Variants in DNAH8 observed in about 807,000 individuals in gnomAD.
DNAH8 encodes dynein axonemal heavy chain 8.
A neutral mutation model predicts 562.1 loss-of-function variants in DNAH8; 382 were observed. That is an observed-to-expected ratio of 0.68 (90% CI 0.63 to 0.74). The LOEUF is 0.74. Ranked by LOEUF, DNAH8 falls within the 30% of genes least tolerant of loss-of-function variation. DNAH8 has a pLI of 0.00. For missense variants in DNAH8, 5,203 were observed against 5,620.4 expected, an observed-to-expected ratio of 0.93 and a Z score of 2.37; for synonymous variants, 1,881 against 1,919.4, an observed-to-expected ratio of 0.98 and a Z score of 0.52.
intron 23 of DNAH8, among the ~76,000 whole-genome samples, chr6:38,806,467 C>T (rs1259136812): frequency 6.6e-6 from 1 of 152,138 alleles, no homozygotes; most frequent in East Asian, 1.9e-4. Flanking sequence ...CTGGAGCACT[C>T]CCCTCTCAGA....
At position 38,842,810 on chromosome 6, in the gene DNAH8, G is replaced by C. The variant is rs912357949; in HGVS notation, c.4752G>C (p.Glu1584Asp). 6.2e-7 allele frequency: 1 copy of C among 1,613,906 alleles called. No homozygotes were observed. The highest frequency in any genetic ancestry group is 1.7e-5 in the Admixed American group (1 of 60,008). ...MKQRHWDRIS[E>D]LTGTPFDVES... ...AGAGACACTGGGATAGAATCTCCGA[G>C]TTAACTGGAACCCCATTTGATGTGG... Residue 1584 changes from glutamate to aspartate, a missense_variant, in exon 35 of 93, where the codon GAG becomes GAC. Coordinates refer to ENST00000327475, the MANE Select transcript of DNAH8 (RefSeq NM_001206927.2).
intron 75 of DNAH8, among the ~76,000 whole-genome samples, chr6:38,929,879 T>C (rs1782428266): frequency 6.6e-6 from 1 of 152,134 alleles, no homozygotes; most frequent in African/African-American, 2.4e-5. Flanking sequence ...TTCCTTTTAT[T>C]TTTTATAGCG....
intron 17 of DNAH8, among the ~76,000 whole-genome samples, chr6:38,784,793 A>T (rs1477238781): frequency 6.6e-6 from 1 of 152,218 alleles, no homozygotes; most frequent in Non-Finnish European, 1.5e-5. Context: ...CTTGCCCAAG[A>T]TCACACAGCT....
chr6:38,965,392 G>A (rs1762903139), intron 82 of DNAH8, among the ~76,000 whole-genome samples: 1 of 152,058 alleles, frequency 6.6e-6, no homozygotes, highest in South Asian at 2.1e-4. Flanking sequence ...AAGGGATTGT[G>A]GATTATGCAT....
intron 60 of DNAH8, 123 bp from the exon 61 acceptor site, chr6:38,898,135 A>G: frequency 1.1e-6 from 1 of 888,742 alleles, no homozygotes; most frequent in Non-Finnish European, 1.7e-6. Context: ...ACCTCTGGAA[A>G]TCCATAACGT....
chr6:38,866,255 T>C (rs1777023270), intron 45 of DNAH8, among the ~76,000 whole-genome samples: 1 of 152,204 alleles, frequency 6.6e-6, no homozygotes, highest in South Asian at 2.1e-4. Flanking sequence ...ACCATAATTA[T>C]CAGGTATCTA....
chr6:39,020,779 T>C (rs1766866326), intron 91 of DNAH8, among the ~76,000 whole-genome samples: 1 of 152,184 alleles, frequency 6.6e-6, no homozygotes, highest in Non-Finnish European at 1.5e-5. Context: ...TTTGGTTTTC[T>C]ATTCCTGTGT....
In DNAH8 at chr6:38,921,498, G is replaced by C. The variant is rs765638035; in HGVS notation, c.10654G>C (p.Glu3552Gln). ...VQAKFDAAMN[E>Q]KMDLLNDADT... ...GGCAAAATTTGATGCAGCAATGAAT[G>C]AGAAAATGGTGAGATTAAACATAAA... The change falls in exon 71 of 93, where the codon GAG becomes CAG. Residue 3552 changes from glutamate to glutamine, a missense_variant. By Grantham distance (29) the Glu-to-Gln change is conservative (BLOSUM62 2). Around this residue, in one of 6 missense-constraint regions of DNAH8, gnomAD observed 1,399 missense variants for 1,518.4 expected, o/e 0.92. Transcript: ENST00000327475. 1 of 1,612,578 alleles carries C rather than the reference G, an allele frequency of 6.2e-7. No individual in the cohort carries two copies. The highest frequency in any genetic ancestry group is 1.1e-5 in the South Asian group (1 of 90,812).
At chr6:39,015,470 C>A (rs186253695) in intron 91 of DNAH8, among the ~76,000 whole-genome samples, 171 of 152,220 alleles carry the variant, frequency 1.1e-3, no homozygotes, top group African/African-American at 3.7e-3. Context: ...GTGGTTTTCC[C>A]CATGCTGCTT....
intron 10 of DNAH8, among the ~76,000 whole-genome samples, chr6:38,759,109 C>T (rs1766225724): frequency 6.6e-6 from 1 of 151,996 alleles, no homozygotes; most frequent in Non-Finnish European, 1.5e-5. Context: ...TTGAGACCAA[C>T]CTGGGCAACA....
intron 14 of DNAH8, among the ~76,000 whole-genome samples, chr6:38,778,904 A>C (rs906937268): frequency 1.3e-5 from 2 of 152,166 alleles, no homozygotes; most frequent in Non-Finnish European, 2.9e-5. Flanking sequence ...GTGTATACTT[A>C]AGGTGTATAA....
rs185584533 is a variant in DNAH8, at chr6:38,805,477, A to G, written c.3035-4A>G. On this transcript the variant is annotated splice_region_variant and splice_polypyrimidine_tract_variant and intron_variant, in intron 22 of 92. Transcript: ENST00000327475. ...TATATTTTTGTTTTGTCTTTTGTCT[A>G]TAGAACAGCGGAAACACGTTGTTTT... is the stretch of plus-strand genomic sequence containing the variant. The G allele has an allele frequency of 5.4e-5, 85 of 1,576,196 alleles. No homozygotes were observed. In the Admixed American group the frequency reaches 1.1e-3, roughly 21 times the overall value.
intron 53 of DNAH8, among the ~76,000 whole-genome samples, chr6:38,879,427 A>G (rs1186969933): frequency 6.6e-6 from 1 of 152,238 alleles, no homozygotes; most frequent in Admixed American, 6.5e-5. Flanking sequence ...ATGGAAGATC[A>G]ACATTCAAAA....
chr6:38,842,036 C>T (rs1221178886), intron 33 of DNAH8, among the ~76,000 whole-genome samples: 1 of 152,164 alleles, frequency 6.6e-6, no homozygotes, highest in African/African-American at 2.4e-5. Context: ...ATGACCTTAT[C>T]ATTAAGTTTT....
intron 41 of DNAH8, among the ~76,000 whole-genome samples, chr6:38,855,033 A>G (rs1197548831): frequency 3.4e-5 from 5 of 149,042 alleles, no homozygotes; most frequent in African/African-American, 9.8e-5. Context: ...ATATATTCAC[A>G]TAAGTATATA....
intron 26 of DNAH8, among the ~76,000 whole-genome samples, chr6:38,817,424 T>A (rs1310267498): frequency 1.3e-5 from 2 of 152,224 alleles, no homozygotes; most frequent in Non-Finnish European, 2.9e-5. Context: ...GGCACCTTTC[T>A]ATGTTGCACT....
intron 3 of DNAH8, among the ~76,000 whole-genome samples, chr6:38,726,729 A>G (rs1030789439): frequency 1.3e-5 from 2 of 152,104 alleles, no homozygotes; most frequent in South Asian, 2.1e-4. Flanking sequence ...GCAAGGATAT[A>G]TGATAGGTTG....
At chr6:38,834,501 G>A (rs1196082756) in intron 31 of DNAH8, 78 bp from the exon 32 acceptor site, 1 of 968,464 alleles carries the variant, frequency 1.0e-6, no homozygotes. Flanking sequence ...TACTTAAATG[G>A]AAATAATAGA....
intron 26 of DNAH8, among the ~76,000 whole-genome samples, chr6:38,821,415 A>G (rs984524): frequency 0.49 from 75,093 of 151,966 alleles, 19,537 homozygotes; most frequent in East Asian, 0.7. Context: ...CAGATTTTAT[A>G]CAATCTCTAT....
Sources: allele counts gnomAD v4.1 joint callset (sites outside exome capture counted in the v4.1 genomes callset), GRCh38; gene constraint gnomAD v4.1.1; regional missense constraint gnomAD v4.1.1; transcripts MANE v1.5; gene names NCBI Gene and HGNC (gene_info 2026-07-23, HGNC 2026-07-21).